Variants in CKAP5 observed in about 807,000 individuals in gnomAD.
CKAP5 encodes the protein cytoskeleton associated protein 5.
In CKAP5, 27 loss-of-function variants were observed where a neutral mutation model predicts 232.8. The observed-to-expected ratio is 0.12, with a 90% CI of 0.09 to 0.16. The LOEUF is 0.16. Among genes scored for constraint, CKAP5 ranks in the 10% least tolerant of loss-of-function variants. The pLI is 1.00. For synonymous variants in CKAP5, 785 were observed against 841.1 expected (o/e 0.93, Z 1.16); for missense variants, 1,838 against 2,424.7 (o/e 0.76, Z 5.08).
At chr11:46,781,766 C>T (rs146505818) in intron 18 of CKAP5, among the ~76,000 whole-genome samples, 19 of 152,156 alleles carry the variant, frequency 1.2e-4, no homozygotes, top group African/African-American at 4.6e-4. Context: ...CTAAACTATA[C>T]CACATTATTC....
chr11:46,778,405 C>T (rs954746635), intron 21 of CKAP5, 55 bp downstream of exon 21: 1 of 1,607,780 alleles, frequency 6.2e-7, no homozygotes, highest in Non-Finnish European at 8.5e-7. Flanking sequence ...AAGAAGACAA[C>T]ATTCTGAATT....
chr11:46,797,025 T>C (rs1040612516), intron 11 of CKAP5, 85 bp from the exon 12 acceptor site: 11 of 1,476,490 alleles, frequency 7.5e-6, no homozygotes, highest in Middle Eastern at 1.8e-4. Context: ...GGTTGCTAGA[T>C]AAAGAATTTG....
At chr11:46,763,873 C>CT (rs1382010993) in intron 28 of CKAP5, among the ~76,000 whole-genome samples, 1 of 152,110 alleles carries the variant, frequency 6.6e-6, no homozygotes, top group Non-Finnish European at 1.5e-5. Context: ...CACCTGTTGC[C>CT]TGGGCATGGC....
chr11:46,821,392 C>T (rs1417250141), intron 1 of CKAP5, 124 bp from the exon 2 acceptor site: 3 of 481,714 alleles, frequency 6.2e-6, no homozygotes, highest in Non-Finnish European at 1.1e-5. Context: ...GTTCTTTCGT[C>T]AGATCCCCAC....
chr11:46,771,010 A>T (rs770712404), intron 24 of CKAP5, 28 bp from the exon 25 acceptor site: 1 of 1,588,274 alleles, frequency 6.3e-7, no homozygotes. Context: ...GACTAGTTAC[A>T]CACTTCAAAT....
At position 46,780,496 on chromosome 11, in the gene CKAP5, C is replaced by T. The variant is rs1160030710; in HGVS notation, c.2250-11G>A. The T allele has an allele frequency of 6.2e-7, 1 of 1,610,198 alleles. No individual in the cohort carries two copies. Among genetic ancestry groups the T allele is most frequent in the Non-Finnish European group, 8.5e-7 (1 of 1,177,262 alleles). On this transcript the variant is annotated splice_polypyrimidine_tract_variant and intron_variant, in intron 18 of 43. Coordinates refer to ENST00000529230, the MANE Select transcript of CKAP5 (RefSeq NM_001008938.4). The stretch of plus-strand genomic sequence containing the variant: ...GCTTTGACATTCAACCTAGAAGAAA[C>T]ATTTAGAATTAAAAGCAAACAAATG...
intron 4 of CKAP5, among the ~76,000 whole-genome samples, chr11:46,813,187 T>A (rs932632674): frequency 5.3e-5 from 8 of 152,186 alleles, no homozygotes; most frequent in Non-Finnish European, 7.4e-5. Context: ...TAAGATTTTT[T>A]AAAATGCTTT....
At chr11:46,768,367 CTTTT>C (rs10711197) in intron 26 of CKAP5, among the ~76,000 whole-genome samples, 2 of 136,722 alleles carry the variant, frequency 1.5e-5, no homozygotes, top group African/African-American at 5.2e-5. Context: ...ATTAAAACAA[CTTTT>C]TTTTTTTTTT....
rs564945998 is a variant in CKAP5 at position 46,842,204 on chromosome 11, A to G, written c.-38+4016T>C. Among the ~76,000 whole-genome samples, 11 of 152,322 alleles carry G rather than the reference A, an allele frequency of 7.2e-5. No individual in the cohort carries two copies. The East Asian group carries it at 2.1e-3, about 29-fold the overall frequency. On this transcript the variant is annotated intron_variant, in intron 1 of 43. Transcript: ENST00000529230. ...TGCCGGGACAACAGAAAGTGCTTCT[A>G]AGACCTCTGGTAACAAAGAAGGTGG... is the stretch of plus-strand genomic sequence containing the variant.
At chr11:46,772,864 C>T (rs968131855) in intron 24 of CKAP5, among the ~76,000 whole-genome samples, 2 of 152,040 alleles carry the variant, frequency 1.3e-5, no homozygotes, top group South Asian at 4.1e-4. Context: ...GCCACAGCCT[C>T]TCGAGTAGCT....
Position 46,776,255 on chromosome 11 carries a change from C to G in CKAP5, c.2991G>C (p.Glu997Asp). Residue 997 changes from glutamate (E) to aspartate (D), a missense_variant and splice_region_variant, in exon 24 of 44, where the codon GAG (glutamate) becomes GAC (aspartate). Glu to Asp is a conservative substitution (Grantham distance 45). This residue lies in a region of CKAP5 where 767 missense variants were observed against 954.6 expected (regional missense o/e 0.80). Transcript: ENST00000529230. ...LKKENPFLRQ[E>D]LLGWLAEKLP... ...CACATGATTAATTTATGATACTAACCTCTTGCCTCAAGAAAGGATTTTCCT... is the reference window on the plus strand; with the variant it reads ...CACATGATTAATTTATGATACTAACGTCTTGCCTCAAGAAAGGATTTTCCT... 6.2e-7 allele frequency: 1 copy of G among 1,613,428 alleles called. No homozygotes were observed. The highest frequency in any genetic ancestry group is 8.5e-7 in the Non-Finnish European group (1 of 1,179,600).
At chr11:46,809,933 T>G (rs1939238581) in intron 5 of CKAP5, 59 bp from the exon 6 acceptor site, 4 of 1,484,602 alleles carry the variant, frequency 2.7e-6, no homozygotes, top group Non-Finnish European at 3.7e-6. Flanking sequence ...GTTAACATAC[T>G]TAATACTTAC....
chr11:46,774,197 C>T (rs887720391), intron 24 of CKAP5, among the ~76,000 whole-genome samples: 8 of 152,068 alleles, frequency 5.3e-5, no homozygotes, highest in South Asian at 2.1e-4. Context: ...AATCAATGTG[C>T]GAAAATCACA....
Position 46,809,578 on chromosome 11 carries a change from C to T in CKAP5, c.764-78G>A, listed in dbSNP as rs148055242. The T allele has an allele frequency of 6.1e-3, 8,305 of 1,354,196 alleles. 39 individuals are homozygous for T. Among genetic ancestry groups the T allele is most frequent in the Middle Eastern group, 7.8e-3 (43 of 5,506 alleles). 83.9% of individuals were successfully genotyped at this position (1,354,196 alleles called of 1,614,324 possible). A position where few individuals can be genotyped will look rare whatever the true frequency, so the allele number is the denominator to read the frequency against. On this transcript the variant is annotated intron_variant, in intron 6 of 43. Coordinates refer to ENST00000529230, the MANE Select transcript of CKAP5 (RefSeq NM_001008938.4). ...TATCAGTTATCAGTCCTTTCACAAC[C>T]CTGATGAAATTTTAATAGAGAAGGG...
At position 46,762,966 on chromosome 11, in the gene CKAP5, A is replaced by G; in HGVS notation, c.3891+10T>C. The G allele has an allele frequency of 6.2e-7, 1 of 1,609,804 alleles. No individual in the cohort carries two copies. Among genetic ancestry groups the G allele is most frequent in the Non-Finnish European group, 8.5e-7 (1 of 1,176,472 alleles). ...TTAAGCAGTCTCCCAGAGAGAGAACACCACATTACCTTGACGACAAGATAG... is the reference window on the plus strand; with the variant it reads ...TTAAGCAGTCTCCCAGAGAGAGAACGCCACATTACCTTGACGACAAGATAG... On this transcript the variant is annotated intron_variant, in intron 30 of 43. Transcript: ENST00000529230.
chr11:46,793,026 T>C (rs186014467), intron 13 of CKAP5, among the ~76,000 whole-genome samples: 1 of 152,344 alleles, frequency 6.6e-6, no homozygotes, highest in Admixed American at 6.5e-5. Flanking sequence ...GTTTCTACTA[T>C]ACGCCAGAAA....
intron 31 of CKAP5, 149 bp downstream of exon 31, chr11:46,762,478 T>G (rs749803495): frequency 1.2e-5 from 12 of 1,017,768 alleles, no homozygotes; most frequent in Non-Finnish European, 1.9e-5. Flanking sequence ...GCTCCACCAG[T>G]GTGCAACTCA....
Position 46,759,455 on chromosome 11 carries a change from A to G in CKAP5, c.4395-13T>C, listed in dbSNP as rs1407069618. ...GCTTCGGGCTTGGCTAAGGGAAGCAAAAGGAGGCTCCTGAACTAAAAGAGA... is the reference window on the plus strand; with the variant it reads ...GCTTCGGGCTTGGCTAAGGGAAGCAGAAGGAGGCTCCTGAACTAAAAGAGA... On this transcript the variant is annotated splice_polypyrimidine_tract_variant and intron_variant, in intron 33 of 43. Coordinates refer to ENST00000529230, the MANE Select transcript of CKAP5 (RefSeq NM_001008938.4). The G allele has an allele frequency of 1.9e-6, 3 of 1,607,868 alleles. No homozygotes were observed. The highest frequency in any genetic ancestry group is 2.7e-5 in the African/African-American group (2 of 74,566).
In CKAP5 at chr11:46,762,167, C is replaced by A. The variant is rs192698054; in HGVS notation, c.4054G>T (p.Val1352Phe). Reference sequence around the variant, plus strand: ...CAAACATTCATGCCATAGGACTCAACCAGACATCCCAGCTCTTCCAGGCAC... The same window carrying A: ...CAAACATTCATGCCATAGGACTCAAACAGACATCCCAGCTCTTCCAGGCAC... ...AECLEELGCL[V>F]ESYGMNVCQP... Residue 1352 changes from valine to phenylalanine, a missense_variant, in exon 32 of 44, where the codon GTT becomes TTT. Val to Phe is a conservative substitution (Grantham distance 50). Coordinates refer to ENST00000529230, the MANE Select transcript of CKAP5 (RefSeq NM_001008938.4). The A allele has an allele frequency of 1.2e-6, 2 of 1,613,878 alleles. No individual in the cohort carries two copies. The highest frequency in any genetic ancestry group is 1.7e-6 in the Non-Finnish European group (2 of 1,179,874).
Sources: allele counts gnomAD v4.1 joint callset (sites outside exome capture counted in the v4.1 genomes callset), GRCh38; gene constraint gnomAD v4.1.1; regional missense constraint gnomAD v4.1.1; transcripts MANE v1.5; gene names NCBI Gene and HGNC (gene_info 2026-07-23, HGNC 2026-07-21).